The following TMEM132C variants were observed in gnomAD, a reference collection of about 807,000 sequenced individuals.
TMEM132C encodes protein phosphatase 1, regulatory subunit 152.
TMEM132C carries 29 observed loss-of-function variants against 61.4 expected under a neutral mutation model. The ratio of observed to expected loss-of-function variants is 0.47; its 90% CI spans 0.35 to 0.64. TMEM132C has a LOEUF of 0.64. TMEM132C is among the 30% of genes least tolerant of loss of function. TMEM132C has a pLI of 0.00. For missense variants in TMEM132C, 1,408 were observed against 1,476.9 expected (o/e 0.95, Z 0.76); for synonymous variants, 656 against 633.1 (o/e 1.04, Z -0.54).
chr12:128,639,953 A>G (rs866325601), intron 4 of TMEM132C, among the ~76,000 whole-genome samples: 48 of 152,250 alleles, frequency 3.2e-4, no homozygotes, highest in African/African-American at 1.1e-3. Context: ...GTTGTTGTTC[A>G]TACTTATTGT....
chr12:128,444,998 C>T (rs886335532), intron 2 of TMEM132C, among the ~76,000 whole-genome samples: 2 of 152,118 alleles, frequency 1.3e-5, no homozygotes, highest in Middle Eastern at 3.4e-3. Context: ...GCTTTCCCGC[C>T]GTTGGGGTTA....
At chr12:128,361,546 A>G (rs1414676731) in intron 1 of TMEM132C, among the ~76,000 whole-genome samples, 3 of 152,172 alleles carry the variant, frequency 2.0e-5, no homozygotes, top group Non-Finnish European at 4.4e-5. Flanking sequence ...AATACTTTGT[A>G]ATTGGGAAAA....
intron 2 of TMEM132C, among the ~76,000 whole-genome samples, chr12:128,528,438 G>A (rs960782909): frequency 1.3e-5 from 2 of 152,186 alleles, no homozygotes; most frequent in African/African-American, 4.8e-5. Flanking sequence ...TAATCTCAGA[G>A]CAGCAGATGC....
At chr12:128,553,313 T>A in intron 3 of TMEM132C, among the ~76,000 whole-genome samples, 1 of 151,614 alleles carries the variant, frequency 6.6e-6, no homozygotes, top group East Asian at 1.9e-4. Flanking sequence ...CTTACCTTTT[T>A]ATTAGGCTTA....
intron 1 of TMEM132C, among the ~76,000 whole-genome samples, chr12:128,391,781 G>A (rs565194005): frequency 5.4e-4 from 83 of 152,304 alleles, no homozygotes; most frequent in African/African-American, 1.9e-3. Flanking sequence ...TTCAGAGCCT[G>A]TGCATTTTGT....
chr12:128,295,252 G>C (rs1410134291), intron 1 of TMEM132C, among the ~76,000 whole-genome samples: 1 of 152,080 alleles, frequency 6.6e-6, no homozygotes. Flanking sequence ...ACTCACCGCA[G>C]CCTCGAACTC....
At chr12:128,430,623 G>A (rs1258838102) in intron 2 of TMEM132C, among the ~76,000 whole-genome samples, 3 of 152,166 alleles carry the variant, frequency 2.0e-5, no homozygotes, top group Non-Finnish European at 4.4e-5. Flanking sequence ...CCTGCATTGA[G>A]CAAGTCTACC....
At chr12:128,549,254 C>G (rs527261834) in intron 3 of TMEM132C, among the ~76,000 whole-genome samples, 1 of 152,096 alleles carries the variant, frequency 6.6e-6, no homozygotes, top group Non-Finnish European at 1.5e-5. Flanking sequence ...TATCCTCTCA[C>G]CTAAGACCAA....
At chr12:128,610,093 A>G (rs1021426893) in intron 3 of TMEM132C, among the ~76,000 whole-genome samples, 1 of 152,210 alleles carries the variant, frequency 6.6e-6, no homozygotes, top group Non-Finnish European at 1.5e-5. Flanking sequence ...GAGTATTGAC[A>G]TTAGGGTCAA....
At chr12:128,470,720 G>C (rs773656620) in intron 2 of TMEM132C, among the ~76,000 whole-genome samples, 1 of 152,144 alleles carries the variant, frequency 6.6e-6, no homozygotes, top group African/African-American at 2.4e-5. Context: ...TTGGTGGGCT[G>C]TTACATCAGG....
chr12:128,701,277 A>G (rs1243778332), intron 8 of TMEM132C, among the ~76,000 whole-genome samples: 1 of 150,760 alleles, frequency 6.6e-6, no homozygotes, highest in Non-Finnish European at 1.5e-5. Context: ...TTGATCATTG[A>G]AAGTTGAGCT....
chr12:128,389,807 G>A lies in TMEM132C; in HGVS notation c.86-24925G>A, dbSNP rs572972992. On this transcript the variant is annotated intron_variant, in intron 1 of 8. Transcript: ENST00000435159. ...GGCCAATTAAGGCCCAGCCCTCACC[G>A]CATTAAGAAGCTTAGATTTTATTCA... 4.1e-4 allele frequency among the ~76,000 whole-genome samples: 63 copies of A among 152,314 alleles called. No homozygotes were observed. In the Middle Eastern group the frequency reaches 0.014, roughly 33 times the overall value.
chr12:128,276,894 GCACACACA>G (rs71069547), intron 1 of TMEM132C, among the ~76,000 whole-genome samples: 16 of 149,930 alleles, frequency 1.1e-4, no homozygotes, highest in African/African-American at 3.9e-4. Context: ...GTGCGTGCAT[GCACACACA>G]CACACACACA....
intron 1 of TMEM132C, among the ~76,000 whole-genome samples, chr12:128,338,330 G>A (rs1872847087): frequency 6.6e-6 from 1 of 152,142 alleles, no homozygotes; most frequent in South Asian, 2.1e-4. Flanking sequence ...CGTGCCTTCC[G>A]ATTAGTGGAA....
At chr12:128,500,839 A>G (rs1279467703) in intron 2 of TMEM132C, among the ~76,000 whole-genome samples, 2 of 152,240 alleles carry the variant, frequency 1.3e-5, no homozygotes, top group African/African-American at 2.4e-5. Context: ...ATATATATAT[A>G]TGCAAGAGGA....
At chr12:128,394,870 G>A (rs934023781) in intron 1 of TMEM132C, among the ~76,000 whole-genome samples, 12 of 142,112 alleles carry the variant, frequency 8.4e-5, no homozygotes, top group Non-Finnish European at 7.5e-5. Context: ...CATGTTAATT[G>A]CACAGCTAAT....
chr12:128,459,884 C>CAA (rs71069569), intron 2 of TMEM132C, among the ~76,000 whole-genome samples: 11,516 of 81,060 alleles, frequency 0.14, 1,358 homozygotes, highest in Admixed American at 0.26. Context: ...GACTCTGTCT[C>CAA]AAAAAAAAAA....
chr12:128,580,248 C>T lies in TMEM132C; in HGVS notation c.1122-35904C>T, dbSNP rs528344651. On this transcript the variant is annotated intron_variant, in intron 3 of 8. Transcript: ENST00000435159. ...TGGCTAACACGGTGAAACCCCATCT[C>T]TACTAAAAAAAAAATACAAAAAATT... Among the ~76,000 whole-genome samples, 44 of 152,016 alleles carry T rather than the reference C, an allele frequency of 2.9e-4. No individual in the cohort carries two copies. The South Asian group carries it at 4.8e-3, about 16-fold the overall frequency.
chr12:128,596,692 G>A (rs1179393280), intron 3 of TMEM132C, among the ~76,000 whole-genome samples: 1 of 151,334 alleles, frequency 6.6e-6, no homozygotes, highest in African/African-American at 2.4e-5. Flanking sequence ...ACTGATCCCT[G>A]TTCTGTCCAT....
Sources: gnomAD v4.1 joint callset for allele counts (sites outside exome capture counted in the v4.1 genomes callset) on GRCh38, gnomAD v4.1.1 for gene constraint, MANE v1.5 for transcripts, NCBI Gene and HGNC (gene_info 2026-07-23, HGNC 2026-07-21) for gene names.